The following RAD51B variants were observed in gnomAD, a reference collection of about 807,000 sequenced individuals.
RAD51B encodes DNA repair protein RAD51 homolog 2.
RAD51B carries 38 observed loss-of-function variants against 42.2 expected under a neutral mutation model. That is an observed-to-expected ratio of 0.90 (90% CI 0.70 to 1.18). The LOEUF is 1.18. RAD51B is among the 50% of genes most tolerant of loss of function. The probability of loss-of-function intolerance (pLI) is 0.00; values close to 1 mark genes in which losing one functional copy is unlikely to be tolerated. For synonymous variants in RAD51B, 154 were observed against 145.2 expected (o/e 1.06, Z -0.43); for missense variants, 373 against 400.7 (o/e 0.93, Z 0.59).
At chr14:68,061,853 T>A (rs1035637224) in intron 7 of RAD51B, among the ~76,000 whole-genome samples, 1 of 152,224 alleles carries the variant, frequency 6.6e-6, no homozygotes, top group Non-Finnish European at 1.5e-5. Flanking sequence ...CAGGGACAAT[T>A]TGACTTTCTC....
intron 8 of RAD51B, among the ~76,000 whole-genome samples, chr14:68,349,793 G>A (rs2082747526): frequency 1.3e-5 from 2 of 152,224 alleles, no homozygotes; most frequent in Admixed American, 6.5e-5. Flanking sequence ...CCCAGGTGAT[G>A]AGGGAGCCTT....
intron 9 of RAD51B, among the ~76,000 whole-genome samples, chr14:68,453,453 C>T (rs529715632): frequency 1.1e-4 from 16 of 152,208 alleles, no homozygotes; most frequent in African/African-American, 3.9e-4. Flanking sequence ...ACAGAAGAGA[C>T]AAAAACAGCA....
At chr14:68,220,576 C>T (rs1341040408) in intron 7 of RAD51B, among the ~76,000 whole-genome samples, 2 of 152,168 alleles carry the variant, frequency 1.3e-5, no homozygotes, top group Non-Finnish European at 2.9e-5. Context: ...TGCCCACTTT[C>T]ACCGCTTCTA....
rs1210428405 is a variant in RAD51B at position 68,530,468 on chromosome 14, A to G, written c.1036+62218A>G. Among the ~76,000 whole-genome samples the G allele has an allele frequency of 1.5e-4, 22 of 145,542 alleles. No individual in the cohort carries two copies. In the East Asian group the frequency reaches 2.0e-3, roughly 13 times the overall value. ...TCTCAAAAAAAAAAAAAAAAAAAAA[A>G]AGAGATAAAGAAAGAAAAAAACAAA... is the stretch of plus-strand genomic sequence containing the variant. On this transcript the variant is annotated intron_variant, in intron 10 of 10. Coordinates refer to the RAD51B transcript ENST00000487270.
intron 7 of RAD51B, among the ~76,000 whole-genome samples, chr14:68,011,718 AGTT>A (rs1566577264): frequency 6.6e-6 from 1 of 152,058 alleles, no homozygotes; most frequent in Non-Finnish European, 1.5e-5. Context: ...CTGATTAAGA[AGTT>A]TATTTATATG....
At chr14:68,253,164 A>G (rs1476800575) in intron 7 of RAD51B, among the ~76,000 whole-genome samples, 1 of 152,150 alleles carries the variant, frequency 6.6e-6, no homozygotes, top group Non-Finnish European at 1.5e-5. Context: ...AAGAAGAAAT[A>G]AAAATCACTT....
chr14:68,547,945 C>T (rs964093080), intron 10 of RAD51B, among the ~76,000 whole-genome samples: 47 of 152,154 alleles, frequency 3.1e-4, no homozygotes, highest in Non-Finnish European at 3.7e-4. Context: ...CATGGGTATC[C>T]CCACTGGAAG....
At chr14:68,617,219 C>T (rs1891844171) in intron 10 of RAD51B, among the ~76,000 whole-genome samples, 1 of 152,118 alleles carries the variant, frequency 6.6e-6, no homozygotes, top group Non-Finnish European at 1.5e-5. Context: ...GAGTTTTTAT[C>T]CAGCAGGCAG....
At chr14:68,213,673 G>A (rs946208084) in intron 7 of RAD51B, among the ~76,000 whole-genome samples, 2 of 152,132 alleles carry the variant, frequency 1.3e-5, no homozygotes, top group African/African-American at 4.8e-5. Flanking sequence ...ATAGCATCAT[G>A]GATCATGGTG....
At chr14:68,674,988 A>C (rs551298266) in intron 11 of RAD51B, among the ~76,000 whole-genome samples, 1 of 152,214 alleles carries the variant, frequency 6.6e-6, no homozygotes, top group Non-Finnish European at 1.5e-5. Context: ...ATCTTCCTTT[A>C]AAGTGCCAAG....
chr14:68,392,218 T>C (rs2083777749), intron 8 of RAD51B, among the ~76,000 whole-genome samples: 1 of 152,196 alleles, frequency 6.6e-6, no homozygotes, highest in Non-Finnish European at 1.5e-5. Flanking sequence ...ACAGGGTACA[T>C]TGGGGCATTG....
At chr14:67,905,117 T>G (rs2043741936) in intron 7 of RAD51B, among the ~76,000 whole-genome samples, 1 of 152,112 alleles carries the variant, frequency 6.6e-6, no homozygotes, top group Admixed American at 6.5e-5. Flanking sequence ...CTAATTTCAG[T>G]CTTCTGCATA....
chr14:67,965,271 C>T (rs1229765456), intron 7 of RAD51B, among the ~76,000 whole-genome samples: 1 of 152,178 alleles, frequency 6.6e-6, no homozygotes, highest in Non-Finnish European at 1.5e-5. Context: ...TTGGTCTTCA[C>T]AACCAATCTG....
intron 11 of RAD51B, among the ~76,000 whole-genome samples, chr14:68,661,217 G>A (rs1293767316): frequency 6.6e-6 from 1 of 152,226 alleles, no homozygotes; most frequent in Non-Finnish European, 1.5e-5. Context: ...GCAAGGAAAG[G>A]AACGGAAAGG....
chr14:68,323,667 C>T (rs950968103), intron 8 of RAD51B, among the ~76,000 whole-genome samples: 1 of 152,180 alleles, frequency 6.6e-6, no homozygotes, highest in African/African-American at 2.4e-5. Flanking sequence ...TGGTGGCAGG[C>T]ACCTGTAATC....
chr14:68,415,296 G>C (rs1434531493), intron 9 of RAD51B, among the ~76,000 whole-genome samples: 1 of 152,154 alleles, frequency 6.6e-6, no homozygotes, highest in Non-Finnish European at 1.5e-5. Context: ...CTGGGGTAGA[G>C]TGAGCTGCAG....
chr14:68,035,709 A>T (rs1010993985), intron 7 of RAD51B, among the ~76,000 whole-genome samples: 3 of 152,216 alleles, frequency 2.0e-5, no homozygotes, highest in Non-Finnish European at 4.4e-5. Flanking sequence ...TATATTGATG[A>T]TTTCTCATGA....
At chr14:68,625,489 A>G (rs1288258146) in intron 10 of RAD51B, among the ~76,000 whole-genome samples, 2 of 151,960 alleles carry the variant, frequency 1.3e-5, no homozygotes, top group Non-Finnish European at 2.9e-5. Flanking sequence ...TTTATTTTTT[A>G]TGAAACAGGG....
At chr14:67,933,059 C>T (rs2044800554) in intron 7 of RAD51B, among the ~76,000 whole-genome samples, 1 of 152,206 alleles carries the variant, frequency 6.6e-6, no homozygotes, top group Non-Finnish European at 1.5e-5. Context: ...TATGCTTACC[C>T]ATCTGGGTTC....
Sources: allele counts gnomAD v4.1 joint callset (sites outside exome capture counted in the v4.1 genomes callset), GRCh38; gene constraint gnomAD v4.1.1; transcripts MANE v1.5; gene names NCBI Gene and HGNC (gene_info 2026-07-23, HGNC 2026-07-21).